MUC5B: variants seen among roughly 807,000 people sequenced by gnomAD.
The protein encoded by MUC5B is mucin 5B, oligomeric mucus/gel-forming.
A neutral mutation model predicts 376.9 loss-of-function variants in MUC5B; 116 were observed. That is an observed-to-expected ratio of 0.31 (90% CI 0.26 to 0.36). The LOEUF is 0.36. MUC5B is among the 10% of genes least tolerant of loss of function. MUC5B has a pLI of 1.00. For synonymous variants in MUC5B, 3,517 were observed against 3,390.9 expected (o/e 1.04, Z -1.29); for missense variants, 7,165 against 7,769.9 (o/e 0.92, Z 2.93).
chr11:1,246,628 A>T lies in MUC5B; in HGVS notation c.9748A>T (p.Thr3250Ser), dbSNP rs1192647390. The T allele has an allele frequency of 3.1e-6, 5 of 1,611,490 alleles. No homozygotes were observed. The highest frequency in any genetic ancestry group is 4.2e-6 in the Non-Finnish European group (5 of 1,179,056). ...CTCTTCCTCCCTGGGCACCGCCTGG[A>T]CCCGCCTATCACAGACCACCACACC... The part of the protein sequence containing the change: ...IPSSSLGTAW[T>S]RLSQTTTPTA... The change falls in exon 31 of 49, where the codon ACC becomes TCC. Residue 3250 changes from threonine (T) to serine (S), a missense_variant. Thr to Ser is a moderately conservative substitution (Grantham distance 58). This residue lies in a region of MUC5B where 939 missense variants were observed against 770.6 expected (regional missense o/e 1.22). Coordinates refer to ENST00000529681, the MANE Select transcript of MUC5B (RefSeq NM_002458.3).
chr11:1,252,627 C>T lies in MUC5B; in HGVS notation c.15045+103C>T, dbSNP rs369193017. 283 of 1,383,294 alleles carry T rather than the reference C, an allele frequency of 2.0e-4. 1 individual carries two copies. Among genetic ancestry groups the T allele is most frequent in the African/African-American group, 1.6e-3 (112 of 69,000 alleles). The allele number at this position is 1,383,294 out of a possible 1,614,324, so 85.7% of individuals were successfully genotyped here. ...CTCCCGAGGCCCGTCTCAGTGACCCCGCCGCCAGTATCTCCAGTTGGAGGA... is the reference window on the plus strand; with the variant it reads ...CTCCCGAGGCCCGTCTCAGTGACCCTGCCGCCAGTATCTCCAGTTGGAGGA... On this transcript the variant is annotated intron_variant, in intron 32 of 48. Coordinates refer to ENST00000529681, the MANE Select transcript of MUC5B (RefSeq NM_002458.3).
At chr11:1,231,581 T>G (rs1212687593) in intron 14 of MUC5B, 21 bp downstream of exon 14, 3 of 1,553,558 alleles carry the variant, frequency 1.9e-6, no homozygotes, top group Admixed American at 1.9e-5. Flanking sequence ...GCAGGGGCCT[T>G]CGGGGACAGG....
rs376700970 is a variant in MUC5B at position 1,247,127 on chromosome 11, C to G, written c.10247C>G (p.Pro3416Arg). 2.5e-5 allele frequency: 40 copies of G among 1,569,250 alleles called. No homozygotes were observed. The highest frequency in any genetic ancestry group is 2.8e-5 in the Non-Finnish European group (33 of 1,157,968). ...TCAACTCCAGGGACAACTCCCATCC[C>G]CCCAGTGCTGACCACCACCGCCACC... ...PSSTPGTTPI[P>R]PVLTTTATTP... The change falls in exon 31 of 49, where the codon CCC becomes CGC. Residue 3416 changes from proline (P) to arginine (R), a missense_variant. Transcript: ENST00000529681.
rs771399381 is a variant in MUC5B, at chr11:1,257,577, G to C, written c.16317G>C (p.Glu5439Asp). Residue 5439 changes from glutamate (E) to aspartate (D), a missense_variant, in exon 41 of 49, where the codon GAG becomes GAC. This residue lies in a region of MUC5B where 842 missense variants were observed against 1,016.9 expected (regional missense o/e 0.83). Coordinates refer to ENST00000529681, the MANE Select transcript of MUC5B (RefSeq NM_002458.3). The surrounding 1 kb of genome is among the most constrained non-coding windows in gnomAD (Gnocchi z 8.9). ...VSNCQSCVCD[E>D]GSVSVQCKPL... ...ACTGCCAGTCCTGCGTGTGTGACGA[G>C]GGTTCAGTGTCGGTGCAGTGCAAGC... The C allele has an allele frequency of 1.2e-5, 19 of 1,607,496 alleles. No homozygotes were observed. Among genetic ancestry groups the C allele is most frequent in the Non-Finnish European group, 1.5e-5 (18 of 1,179,710 alleles).
rs1424918485 is a variant in MUC5B at position 1,239,949 on chromosome 11, G to T, written c.3728+6G>T. ...GCGGAGAACTGCCAGAGCTGGTGAG[G>T]GGGTGGGAAGCGGGTGGCGCTGGGG... On this transcript the variant is annotated splice_donor_region_variant and intron_variant, in intron 28 of 48. Coordinates refer to ENST00000529681, the MANE Select transcript of MUC5B (RefSeq NM_002458.3). 6.2e-7 allele frequency: 1 copy of T among 1,612,814 alleles called. No individual in the cohort carries two copies. Among genetic ancestry groups the T allele is most frequent in the African/African-American group, 1.3e-5 (1 of 75,024 alleles).
rs1473672628 is a variant in MUC5B at position 1,243,418 on chromosome 11, T to C, written c.6538T>C (p.Ser2180Pro). ...CACCAGCAACACAGTGACTCCCTCC[T>C]CTGCCCTAGGGACCACCCACACACC... The part of the protein sequence containing the change: ...AATSNTVTPS[S>P]ALGTTHTPPV... The change falls in exon 31 of 49, where the codon TCT becomes CCT. Residue 2180 changes from serine to proline, a missense_variant. By Grantham distance (74) the Ser-to-Pro change is moderately conservative (BLOSUM62 -1). Transcript: ENST00000529681. The C allele has an allele frequency of 6.7e-7, 1 of 1,503,192 alleles. No homozygotes were observed. The highest frequency in any genetic ancestry group is 2.0e-5 in the Admixed American group (1 of 50,958). 93.1% of individuals were successfully genotyped at this position (1,503,192 alleles called of 1,614,324 possible). A position where few individuals can be genotyped will look rare whatever the true frequency, so the allele number is the denominator to read the frequency against.
At chr11:1,230,224 C>T (rs547851191) in intron 11 of MUC5B, 81 bp downstream of exon 11, 26 of 1,502,736 alleles carry the variant, frequency 1.7e-5, no homozygotes, top group African/African-American at 4.2e-5. Flanking sequence ...GAGGCCCCCA[C>T]GATGGTCATA....
At position 1,257,834 on chromosome 11, in the gene MUC5B, C is replaced by T. The variant is rs933664636; in HGVS notation, c.16450+124C>T. 2.0e-5 allele frequency: 24 copies of T among 1,197,780 alleles called. No individual in the cohort carries two copies. The highest frequency in any genetic ancestry group is 1.9e-4 in the South Asian group (12 of 64,118). 74.2% of individuals were successfully genotyped at this position (1,197,780 alleles called of 1,614,324 possible). ...GAGCCACTGTGTCCTGGCGTGACCG[C>T]GGCAGGACCACTCGGCAGAGATGGC... On this transcript the variant is annotated intron_variant, in intron 41 of 48. Transcript: ENST00000529681. The surrounding 1 kb of genome is among the most constrained non-coding windows in gnomAD (Gnocchi z 8.9).
In MUC5B at chr11:1,241,857, C is replaced by G. The variant is rs1164384474; in HGVS notation, c.4977C>G (p.Ser1659=). Residue 1659 remains serine (S), a synonymous_variant, in exon 31 of 49, where the codon TCC becomes TCG. Coordinates refer to ENST00000529681, the MANE Select transcript of MUC5B (RefSeq NM_002458.3). ...CCACCCTCTCAGAAGGACTGACATC[C>G]CCCAGATACACAAGCACCCTTGGTA... ...AVPTLSEGLT[S]PRYTSTLGTA... The G allele has an allele frequency of 1.2e-6, 2 of 1,613,378 alleles. No individual in the cohort carries two copies. Among genetic ancestry groups the G allele is most frequent in the African/African-American group, 2.7e-5 (2 of 74,986 alleles).
Position 1,242,546 on chromosome 11 carries a change from C to T in MUC5B, c.5666C>T (p.Pro1889Leu), listed in dbSNP as rs2943510. The change falls in exon 31 of 49, where the codon CCA (proline) becomes CTA (leucine). Residue 1889 changes from proline (P) to leucine (L), a missense_variant. Around this residue, in one of 31 missense-constraint regions of MUC5B, gnomAD observed 897 missense variants for 779.6 expected, o/e 1.15. Transcript: ENST00000529681. ...CDDYSHCPST[P>L]ATSSTATPSS... Reference sequence around the variant, plus strand: ...GACTACAGCCACTGCCCCAGTACCCCAGCCACCAGCTCCACGGCCACGCCC... The same window carrying T: ...GACTACAGCCACTGCCCCAGTACCCTAGCCACCAGCTCCACGGCCACGCCC... 0.13 allele frequency: 214,898 copies of T among 1,613,674 alleles called. 15,607 individuals are homozygous for T. Among genetic ancestry groups the T allele is most frequent in the Admixed American group, 0.26 (15,380 of 60,002 alleles).
In MUC5B at chr11:1,247,512, A is replaced by G. The variant is rs766898944; in HGVS notation, c.10632A>G (p.Thr3544=). 4 of 1,608,020 alleles carry G rather than the reference A, an allele frequency of 2.5e-6. No individual in the cohort carries two copies. The African/African-American group carries it at 5.4e-5, about 22-fold the overall frequency. The change falls in exon 31 of 49, where the codon ACA becomes ACG. Residue 3544 remains threonine (T), a synonymous_variant. Coordinates refer to ENST00000529681, the MANE Select transcript of MUC5B (RefSeq NM_002458.3). ...CCTCCAGGACCACAGCCACAGCCAC[A>G]CCCAGCAAGACCCGCACCTCGACCC... is the stretch of plus-strand genomic sequence containing the variant. ...RGTSRTTATA[T]PSKTRTSTLL...
At position 1,234,174 on chromosome 11, in the gene MUC5B, C is replaced by T. The variant is rs776673492; in HGVS notation, c.2378-31C>T. 13 of 1,552,062 alleles carry T rather than the reference C, an allele frequency of 8.4e-6. No homozygotes were observed. Among genetic ancestry groups the T allele is most frequent in the African/African-American group, 1.4e-5 (1 of 73,642 alleles). On this transcript the variant is annotated intron_variant, in intron 19 of 48. Coordinates refer to ENST00000529681, the MANE Select transcript of MUC5B (RefSeq NM_002458.3). The surrounding 1 kb of genome is among the most constrained non-coding windows in gnomAD (Gnocchi z 6.3). ...GTTGAGGGCCGTGGCTGCCCTTCCC[C>T]AGGACCCCTCCCACCAAGCTCTGTC...
chr11:1,225,472 G>T (rs928574338), intron 1 of MUC5B, among the ~76,000 whole-genome samples: 2 of 152,260 alleles, frequency 1.3e-5, no homozygotes, highest in African/African-American at 4.8e-5. Flanking sequence ...AGGCATCTGC[G>T]GCTGACGGTT....
At chr11:1,237,869 CA>C (rs927780349) in intron 25 of MUC5B, among the ~76,000 whole-genome samples, 2 of 152,180 alleles carry the variant, frequency 1.3e-5, no homozygotes, top group African/African-American at 4.8e-5. Flanking sequence ...GACTCTGTCT[CA>C]AAACAAAACA....
chr11:1,261,487 C>A lies in MUC5B; in HGVS notation c.17168C>A (p.Ser5723Ter). Residue 5723 changes from serine (S) to a stop codon, truncating the protein, a stop_gained, in exon 49 of 49, where the codon TCA (serine) becomes TAA (stop). Transcript: ENST00000529681. LOFTEE classifies it low-confidence loss of function (END_TRUNC). ...GTGCCCTTGCACTGTCCTAACGGCT[C>A]AGCCATCCTGCACACCTACACCCAC... ...ETVPLHCPNG[S>*]AILHTYTHVD... 1 of 1,585,750 alleles carries A rather than the reference C, an allele frequency of 6.3e-7. No homozygotes were observed. Among genetic ancestry groups the A allele is most frequent in the East Asian group, 2.3e-5 (1 of 43,228 alleles).
Position 1,255,426 on chromosome 11 carries a change from T to C in MUC5B, c.15934T>C (p.Phe5312Leu). 7 of 1,604,920 alleles carry C rather than the reference T, an allele frequency of 4.4e-6. No homozygotes were observed. Among genetic ancestry groups the C allele is most frequent in the Non-Finnish European group, 6.0e-6 (7 of 1,176,214 alleles). Residue 5312 changes from phenylalanine to leucine, a missense_variant, in exon 37 of 49, where the codon TTC becomes CTC. Coordinates refer to ENST00000529681, the MANE Select transcript of MUC5B (RefSeq NM_002458.3). ...CAACCTTGTGCCCCCGGGCCCATTC[T>C]TCAACGCCTGCATCAGCGACCACTG... ...CHNLVPPGPF[F>L]NACISDHCRG...
At position 1,252,790 on chromosome 11, in the gene MUC5B, T is replaced by C. The variant is rs762625511; in HGVS notation, c.15046-19T>C. 23 of 1,590,018 alleles carry C rather than the reference T, an allele frequency of 1.4e-5. No homozygotes were observed. The South Asian group carries it at 2.6e-4, about 18-fold the overall frequency. ...CCGTGAGCTGGTCCAGGTGAGGACG[T>C]GCATGTTCCCTGCCCCAGGTGAATG... On this transcript the variant is annotated intron_variant, in intron 32 of 48. Transcript: ENST00000529681.
In MUC5B at chr11:1,261,493, T is replaced by C. The variant is rs1442739434; in HGVS notation, c.17174T>C (p.Ile5725Thr). 1 of 1,593,326 alleles carries C rather than the reference T, an allele frequency of 6.3e-7. No homozygotes were observed. The highest frequency in any genetic ancestry group is 8.5e-7 in the Non-Finnish European group (1 of 1,171,212). Residue 5725 changes from isoleucine to threonine, a missense_variant, in exon 49 of 49, where the codon ATC (isoleucine) becomes ACC (threonine). Physicochemically the swap from Ile to Thr is moderately conservative, Grantham distance 89. Coordinates refer to ENST00000529681, the MANE Select transcript of MUC5B (RefSeq NM_002458.3). ...VPLHCPNGSAILHTYTHVDEC... is the reference protein window; with the variant it reads ...VPLHCPNGSATLHTYTHVDEC... ...TTGCACTGTCCTAACGGCTCAGCCATCCTGCACACCTACACCCACGTGGAT... is the reference window on the plus strand; with the variant it reads ...TTGCACTGTCCTAACGGCTCAGCCACCCTGCACACCTACACCCACGTGGAT...
Position 1,244,758 on chromosome 11 carries a change from G to T in MUC5B, c.7878G>T (p.Thr2626=), listed in dbSNP as rs750590489. 25 of 1,611,784 alleles carry T rather than the reference G, an allele frequency of 1.6e-5. No individual in the cohort carries two copies. The highest frequency in any genetic ancestry group is 8.4e-5 in the Admixed American group (5 of 59,742). The change falls in exon 31 of 49, where the codon ACG becomes ACT. Residue 2626 remains threonine, a synonymous_variant. Transcript: ENST00000529681. ...CCACCCCCTCCTCCAGCCCAGGGAC[G>T]GCACGCACGCTTCCAGTGTGGATCA... ...FTATPSSSPG[T]ARTLPVWIST...
Sources: allele counts gnomAD v4.1 joint callset (sites outside exome capture counted in the v4.1 genomes callset), GRCh38; gene constraint gnomAD v4.1.1; regional missense constraint gnomAD v4.1.1; non-coding constraint Gnocchi (gnomAD v3.1); transcripts MANE v1.5; gene names NCBI Gene and HGNC (gene_info 2026-07-23, HGNC 2026-07-21).